The following HEPACAM2 variants were observed in gnomAD, a reference collection of about 807,000 sequenced individuals.
HEPACAM2 encodes HEPACAM family member 2, also known as mitotic kinetics regulator.
In HEPACAM2, 49 loss-of-function variants were observed where a neutral mutation model predicts 49.6. The observed-to-expected ratio is 0.99, with a 90% CI of 0.78 to 1.25. The LOEUF is 1.25. Among genes scored for constraint, HEPACAM2 ranks in the 50% most tolerant of loss-of-function variants. The pLI, the probability that HEPACAM2 is intolerant of heterozygous loss-of-function variation, is 0.00. For synonymous variants in HEPACAM2, 197 were observed against 202.9 expected (o/e 0.97, Z 0.25); for missense variants, 525 against 557.2 (o/e 0.94, Z 0.58).
chr7:93,207,524 G>A (rs1794059750), intron 4 of HEPACAM2, among the ~76,000 whole-genome samples: 1 of 151,792 alleles, frequency 6.6e-6, no homozygotes, highest in Non-Finnish European at 1.5e-5. Context: ...GTAAAGAAAG[G>A]CAAAAGAAGG....
upstream of HEPACAM2, among the ~76,000 whole-genome samples, chr7:93,227,857 T>A (rs935258948): frequency 6.6e-6 from 1 of 152,226 alleles, no homozygotes; most frequent in African/African-American, 2.4e-5. Flanking sequence ...CATTCATGGA[T>A]GTTGGGCACG....
rs527364903 is a variant in HEPACAM2 at position 93,206,805 on chromosome 7, G to A, written c.1012+1775C>T. Among the ~76,000 whole-genome samples the A allele has an allele frequency of 9.2e-5, 14 of 152,056 alleles. No individual in the cohort carries two copies. The South Asian group carries it at 1.5e-3, about 16-fold the overall frequency. ...CAATATATACATCCCAAAATACCGAGGTGATTTTTCCTCCTGGTACCAAGG... is the reference window on the plus strand; with the variant it reads ...CAATATATACATCCCAAAATACCGAAGTGATTTTTCCTCCTGGTACCAAGG... On this transcript the variant is annotated intron_variant, in intron 4 of 9. Coordinates refer to ENST00000394468, the MANE Select transcript of HEPACAM2 (RefSeq NM_001039372.4).
chr7:93,202,750 A>C (rs1221558926), intron 4 of HEPACAM2, among the ~76,000 whole-genome samples: 1 of 152,048 alleles, frequency 6.6e-6, no homozygotes, highest in Admixed American at 6.6e-5. Flanking sequence ...AATAATTACT[A>C]TTTCCAAGCA....
At chr7:93,211,228 T>A (rs1026694464) in intron 3 of HEPACAM2, among the ~76,000 whole-genome samples, 1 of 152,076 alleles carries the variant, frequency 6.6e-6, no homozygotes, top group Admixed American at 6.6e-5. Context: ...GAAGGAACCA[T>A]ATGGGTTTTT....
intron 2 of HEPACAM2, 137 bp downstream of exon 2, chr7:93,218,964 G>T: frequency 1.5e-6 from 1 of 658,380 alleles, no homozygotes; most frequent in Non-Finnish European, 2.6e-6. Flanking sequence ...AGTGCCATGA[G>T]ATATTGAGGC....
chr7:93,215,527 A>G lies in HEPACAM2; in HGVS notation c.589T>C (p.Phe197Leu). The G allele has an allele frequency of 6.2e-7, 1 of 1,613,686 alleles. No homozygotes were observed. Among genetic ancestry groups the G allele is most frequent in the Non-Finnish European group, 8.5e-7 (1 of 1,179,814 alleles). The change falls in exon 3 of 10, where the codon TTT becomes CTT. Residue 197 changes from phenylalanine (F) to leucine (L), a missense_variant. Phe to Leu is a conservative substitution (Grantham distance 22). Coordinates refer to ENST00000394468, the MANE Select transcript of HEPACAM2 (RefSeq NM_001039372.4). The part of the protein sequence containing the change: ...RPVHTSSTYS[F>L]SPQNNTLHIA... ...TGAAGGGTATTGTTTTGGGGAGAAAAGGAGTAGGTGGAGCTGGTGTGGACA... is the reference window on the plus strand; with the variant it reads ...TGAAGGGTATTGTTTTGGGGAGAAAGGGAGTAGGTGGAGCTGGTGTGGACA...
chr7:93,227,590 G>T (rs1794562830), upstream of HEPACAM2, among the ~76,000 whole-genome samples: 1 of 152,142 alleles, frequency 6.6e-6, no homozygotes, highest in Non-Finnish European at 1.5e-5. Context: ...TATAAGCAAA[G>T]AAAGTAAGTG....
At chr7:93,220,541 G>A (rs991064010) in intron 1 of HEPACAM2, among the ~76,000 whole-genome samples, 22 of 152,178 alleles carry the variant, frequency 1.4e-4, no homozygotes, top group African/African-American at 4.6e-4. Context: ...GGGAAGACGA[G>A]GATTCAGTTT....
At position 93,226,389 on chromosome 7, in the gene HEPACAM2, T is replaced by G. The variant is rs1423987864; in HGVS notation, c.58A>C (p.Lys20Gln). ...TTACCGAAGAGAAGGAGGTATATTT[T>G]GCACTGAAAGACCCCAAGTGTGTCA... is the stretch of plus-strand genomic sequence containing the variant. ...FGDTLGVFQC[K>Q]IYLLLFGACS... The change falls in exon 1 of 10, where the codon AAA becomes CAA. Residue 20 changes from lysine (K) to glutamine (Q), a missense_variant. Coordinates refer to ENST00000394468, the MANE Select transcript of HEPACAM2 (RefSeq NM_001039372.4). The G allele has an allele frequency of 2.5e-6, 4 of 1,613,062 alleles. No individual in the cohort carries two copies. The East Asian group carries it at 8.9e-5, about 36-fold the overall frequency.
intron 4 of HEPACAM2, among the ~76,000 whole-genome samples, chr7:93,206,149 A>G (rs1042894984): frequency 6.6e-6 from 1 of 152,198 alleles, no homozygotes; most frequent in African/African-American, 2.4e-5. Context: ...CATTACAGCC[A>G]TGTTTTCACT....
rs1236789015 is a variant in HEPACAM2, at chr7:93,189,120, C to A, written c.*147G>T. ...ACCTGCAGTTCAATTTGCATAAATG[C>A]CTCTATTCTGCATGTAAAGGAATAA... On this transcript the variant is annotated 3_prime_UTR_variant, in exon 10 of 10. Coordinates refer to ENST00000394468, the MANE Select transcript of HEPACAM2 (RefSeq NM_001039372.4). 3.2e-6 allele frequency: 2 copies of A among 624,478 alleles called. No individual in the cohort carries two copies. The highest frequency in any genetic ancestry group is 2.8e-6 in the Non-Finnish European group (1 of 359,614). The allele number at this position is 624,478 out of a possible 1,614,324, so 38.7% of individuals were successfully genotyped here.
At chr7:93,192,203 G>A (rs1793566729) in intron 9 of HEPACAM2, 51 bp downstream of exon 9, 1 of 1,355,142 alleles carries the variant, frequency 7.4e-7, no homozygotes, top group South Asian at 1.2e-5. Flanking sequence ...GAAAGCAAAA[G>A]CTAAATGCTT....
At chr7:93,219,032 T>G in intron 2 of HEPACAM2, 69 bp downstream of exon 2, 1 of 1,368,444 alleles carries the variant, frequency 7.3e-7, no homozygotes, top group Non-Finnish European at 1.0e-6. Context: ...GCCGAAGTAG[T>G]TTAGTCTCCT....
intron 3 of HEPACAM2, among the ~76,000 whole-genome samples, chr7:93,211,826 T>G (rs1042137726): frequency 6.6e-6 from 1 of 151,896 alleles, no homozygotes; most frequent in African/African-American, 2.4e-5. Flanking sequence ...TTTCTGAGAG[T>G]AGAGCAAGGC....
chr7:93,197,167 A>G (rs537256497), intron 7 of HEPACAM2, 74 bp downstream of exon 7: 3 of 954,156 alleles, frequency 3.1e-6, no homozygotes, highest in Non-Finnish European at 2.9e-6. Context: ...TACATTAATA[A>G]TATATAATAA....
intron 4 of HEPACAM2, among the ~76,000 whole-genome samples, chr7:93,202,939 T>G (rs1793932675): frequency 1.3e-5 from 2 of 152,114 alleles, no homozygotes. Context: ...TGATATGTAT[T>G]TACTAAAATG....
At chr7:93,216,292 AC>A (rs887687960) in intron 2 of HEPACAM2, among the ~76,000 whole-genome samples, 1 of 152,196 alleles carries the variant, frequency 6.6e-6, no homozygotes, top group African/African-American at 2.4e-5. Context: ...AGGCACTTTA[AC>A]AAACCAAAAC....
intron 7 of HEPACAM2, among the ~76,000 whole-genome samples, chr7:93,196,418 G>A (rs937953657): frequency 2.0e-5 from 3 of 152,100 alleles, no homozygotes; most frequent in Admixed American, 6.6e-5. Flanking sequence ...GAATGATGGC[G>A]GGGGAGGTGG....
chr7:93,196,999 C>T (rs554708710), intron 7 of HEPACAM2, among the ~76,000 whole-genome samples: 1 of 126,202 alleles, frequency 7.9e-6, no homozygotes, highest in Non-Finnish European at 1.6e-5. Context: ...TATTAGTTCT[C>T]TTGACTGTAA....
Sources: allele counts gnomAD v4.1 joint callset (sites outside exome capture counted in the v4.1 genomes callset), GRCh38; gene constraint gnomAD v4.1.1; transcripts MANE v1.5; gene names NCBI Gene and HGNC (gene_info 2026-07-23, HGNC 2026-07-21).